COQ5: variants seen among roughly 807,000 people sequenced by gnomAD.
COQ5 encodes the protein coenzyme Q5, methyltransferase.
COQ5 carries 27 observed loss-of-function variants against 40.5 expected under a neutral mutation model. The ratio of observed to expected loss-of-function variants is 0.67; its 90% CI spans 0.49 to 0.92. The LOEUF (loss-of-function observed/expected upper bound fraction) is 0.92, where lower values mean the gene tolerates loss of function less well. Among genes scored for constraint, COQ5 ranks in the 40% least tolerant of loss-of-function variants. The pLI, the probability that COQ5 is intolerant of heterozygous loss-of-function variation, is 0.00. For missense variants in COQ5, 409 were observed against 406.4 expected (o/e 1.01, Z -0.06); for synonymous variants, 141 against 150.0 (o/e 0.94, Z 0.44).
chr12:120,510,264 C>A, intron 3 of COQ5, 141 bp from the exon 4 acceptor site: 3 of 706,968 alleles, frequency 4.2e-6, no homozygotes, highest in Non-Finnish European at 7.8e-6. Flanking sequence ...CCCAGCTTCA[C>A]CATATTCCTT....
At chr12:120,504,751 A>G (rs768489967) in intron 5 of COQ5, 144 bp downstream of exon 5, 18 of 732,976 alleles carry the variant, frequency 2.5e-5, no homozygotes, top group Non-Finnish European at 3.7e-5. Flanking sequence ...CTTGTGGCCT[A>G]GGTATTGTCA....
intron 5 of COQ5, 150 bp downstream of exon 5, chr12:120,504,745 T>G: frequency 1.4e-6 from 1 of 717,388 alleles, no homozygotes; most frequent in Non-Finnish European, 2.5e-6. Flanking sequence ...GAGACTCTTG[T>G]GGCCTAGGTA....
In COQ5 at chr12:120,512,017, C is replaced by T. The variant is rs552824288; in HGVS notation, c.575-1894G>A. On this transcript the variant is annotated intron_variant, in intron 3 of 6. Transcript: ENST00000288532. ...ATGAGGTCAGGAGTTCAAGACCATC[C>T]GGGCTAACACGGTGAAACCCCATCT... 4.0e-5 allele frequency among the ~76,000 whole-genome samples: 6 copies of T among 151,710 alleles called. No individual in the cohort carries two copies. In the South Asian group the frequency reaches 8.4e-4, roughly 21 times the overall value.
intron 2 of COQ5, among the ~76,000 whole-genome samples, chr12:120,517,833 T>C (rs1176532938): frequency 2.0e-5 from 3 of 151,222 alleles, no homozygotes; most frequent in African/African-American, 7.3e-5. Flanking sequence ...TGAGATGGAG[T>C]TTCTGCTCTT....
At chr12:120,504,755 A>G (rs959119736) in intron 5 of COQ5, 140 bp downstream of exon 5, 8 of 743,572 alleles carry the variant, frequency 1.1e-5, no homozygotes, top group Non-Finnish European at 1.9e-5. Context: ...TGGCCTAGGT[A>G]TTGTCATTCA....
chr12:120,513,851 T>C (rs1317162882), intron 3 of COQ5, among the ~76,000 whole-genome samples: 1 of 152,064 alleles, frequency 6.6e-6, no homozygotes, highest in Non-Finnish European at 1.5e-5. Flanking sequence ...TTAAATAATT[T>C]CTAGGGTCCT....
intron 2 of COQ5, among the ~76,000 whole-genome samples, chr12:120,519,785 G>T (rs1319847142): frequency 6.7e-6 from 1 of 149,352 alleles, no homozygotes; most frequent in African/African-American, 2.5e-5. Context: ...CAGGAAAATC[G>T]CTTGAACCTA....
At chr12:120,515,584 G>A (rs1869343022) in intron 3 of COQ5, among the ~76,000 whole-genome samples, 1 of 152,170 alleles carries the variant, frequency 6.6e-6, no homozygotes, top group Admixed American at 6.6e-5. Context: ...ATGGACCAAG[G>A]AGTATAATAA....
intron 1 of COQ5, 78 bp from the exon 2 acceptor site, chr12:120,522,441 C>T (rs1869713029): frequency 1.4e-6 from 2 of 1,425,330 alleles, no homozygotes; most frequent in African/African-American, 2.8e-5. Context: ...AAGGAGGAAG[C>T]TTTTTTCCCC....
chr12:120,514,599 C>T (rs1320763160), intron 3 of COQ5, among the ~76,000 whole-genome samples: 2 of 151,674 alleles, frequency 1.3e-5, no homozygotes, highest in East Asian at 2.0e-4. Context: ...AAAAATTAGC[C>T]GGGTATGGTG....
At chr12:120,505,744 C>T (rs948346428) in intron 4 of COQ5, among the ~76,000 whole-genome samples, 4 of 151,628 alleles carry the variant, frequency 2.6e-5, no homozygotes, top group South Asian at 2.1e-4. Context: ...TTAGTAGAGA[C>T]GGGGTTTCTC....
intron 2 of COQ5, among the ~76,000 whole-genome samples, chr12:120,517,898 C>T (rs1869455078): frequency 6.6e-6 from 1 of 151,666 alleles, no homozygotes; most frequent in Non-Finnish European, 1.5e-5. Context: ...ACCTCTGCCT[C>T]CCAGGTTCAA....
At chr12:120,509,023 C>A (rs1159525150) in intron 4 of COQ5, among the ~76,000 whole-genome samples, 13 of 120,016 alleles carry the variant, frequency 1.1e-4, no homozygotes, top group South Asian at 2.8e-4. Context: ...GACTCTGTCT[C>A]AAAAAAAAAA....
intron 3 of COQ5, among the ~76,000 whole-genome samples, chr12:120,513,276 G>T: frequency 6.7e-6 from 1 of 150,066 alleles, no homozygotes; most frequent in East Asian, 2.1e-4. Flanking sequence ...GGCCGAGGCG[G>T]GCGGATCACA....
At chr12:120,528,838 C>A in intron 1 of COQ5, 102 bp downstream of exon 1, 1 of 1,099,122 alleles carries the variant, frequency 9.1e-7, no homozygotes, top group Non-Finnish European at 1.4e-6. Context: ...GCACAGACAA[C>A]AACACTGGAA....
At chr12:120,527,122 G>A (rs1018789948) in intron 1 of COQ5, 6 of 151,656 alleles carry the variant, frequency 4.0e-5, no homozygotes, top group Middle Eastern at 3.4e-3. Flanking sequence ...TCACTGTGTC[G>A]CCCAGGCTAG....
In COQ5 at chr12:120,522,258, T is replaced by C. The variant is rs747212665; in HGVS notation, c.308A>G (p.His103Arg). The C allele has an allele frequency of 1.9e-6, 3 of 1,614,090 alleles. No homozygotes were observed. The highest frequency in any genetic ancestry group is 2.2e-5 in the East Asian group (1 of 44,868). ...VWKDLLLWKM[H>R]PLPGTQLLDV... Reference sequence around the variant, plus strand: ...AAGCAGCTGGGTCCCAGGAAGCGGGTGCATCTTCCAGAGCAGCAAATCCTT... The same window carrying C: ...AAGCAGCTGGGTCCCAGGAAGCGGGCGCATCTTCCAGAGCAGCAAATCCTT... The change falls in exon 2 of 7, where the codon CAC becomes CGC. Residue 103 changes from histidine to arginine, a missense_variant. His to Arg is a conservative substitution (Grantham distance 29). Transcript: ENST00000288532.
intron 4 of COQ5, among the ~76,000 whole-genome samples, chr12:120,507,572 C>T (rs890599641): frequency 2.4e-4 from 36 of 149,968 alleles, no homozygotes; most frequent in African/African-American, 8.0e-4. Context: ...GTGTGAGCCA[C>T]CACGCCCGGC....
chr12:120,517,391 C>G (rs1202441290), intron 2 of COQ5, among the ~76,000 whole-genome samples: 1 of 150,432 alleles, frequency 6.6e-6, no homozygotes, highest in African/African-American at 2.4e-5. Flanking sequence ...AAAACTGAGG[C>G]CGGGCGCGGT....
Sources: gnomAD v4.1 joint callset for allele counts (sites outside exome capture counted in the v4.1 genomes callset) on GRCh38, gnomAD v4.1.1 for gene constraint, MANE v1.5 for transcripts, NCBI Gene and HGNC (gene_info 2026-07-23, HGNC 2026-07-21) for gene names.